Variants in GGA2 observed in about 807,000 individuals in gnomAD.
The protein encoded by GGA2 is ADP-ribosylation factor-binding protein GGA2.
In GGA2, 48 loss-of-function variants were observed where a neutral mutation model predicts 79.5. That is an observed-to-expected ratio of 0.60 (90% CI 0.48 to 0.77). The LOEUF (loss-of-function observed/expected upper bound fraction) is 0.77, where lower values mean the gene tolerates loss of function less well. Ranked by LOEUF, GGA2 falls within the 30% of genes least tolerant of loss-of-function variation. The pLI, the probability that GGA2 is intolerant of heterozygous loss-of-function variation, is 0.00. For synonymous variants in GGA2, 317 were observed against 302.0 expected (o/e 1.05, Z -0.51); for missense variants, 770 against 774.0 (o/e 0.99, Z 0.06).
intron 13 of GGA2, among the ~76,000 whole-genome samples, chr16:23,475,469 C>T (rs1259614875): frequency 1.3e-5 from 2 of 151,716 alleles, no homozygotes; most frequent in African/African-American, 2.4e-5. Flanking sequence ...GGATTACAGG[C>T]GTGAGCTAAT....
upstream of GGA2, chr16:23,522,081 G>C (rs1965149157): frequency 3.3e-6 from 1 of 307,588 alleles, no homozygotes; most frequent in African/African-American, 2.2e-5. Flanking sequence ...TCTGACACCT[G>C]GGAGAGGGTG....
intron 2 of GGA2, 53 bp downstream of exon 2, chr16:23,495,641 A>G: frequency 9.8e-7 from 1 of 1,020,492 alleles, no homozygotes; most frequent in Non-Finnish European, 1.5e-6. Flanking sequence ...AAAGGCCTAC[A>G]CTCAGTGTGG....
At chr16:23,523,971 T>C (rs78770424), upstream of GGA2, 2,430 of 107,378 alleles carry the variant, frequency 0.023, 24 homozygotes, top group South Asian at 0.029. Flanking sequence ...AGCCTCCAAA[T>C]GTGAGAAAAT....
chr16:23,470,635 C>G (rs1301578170), intron 14 of GGA2, among the ~76,000 whole-genome samples: 1 of 151,882 alleles, frequency 6.6e-6, no homozygotes, highest in Non-Finnish European at 1.5e-5. Context: ...TGGTGGTACA[C>G]ACCTGTAATC....
chr16:23,504,971 G>C (rs949815419), intron 1 of GGA2, among the ~76,000 whole-genome samples: 2 of 152,062 alleles, frequency 1.3e-5, no homozygotes. Context: ...ACCATCCCAC[G>C]TCAGCTGCCA....
At chr16:23,481,368 C>T (rs1467443944) in intron 9 of GGA2, among the ~76,000 whole-genome samples, 2 of 152,072 alleles carry the variant, frequency 1.3e-5, no homozygotes, top group African/African-American at 4.8e-5. Flanking sequence ...AGCGAAACTC[C>T]ATCTCAAGAA....
intron 6 of GGA2, among the ~76,000 whole-genome samples, chr16:23,487,294 A>T (rs1964727832): frequency 1.3e-5 from 2 of 152,172 alleles, no homozygotes; most frequent in South Asian, 4.2e-4. Context: ...ACTGGTTTTC[A>T]GTGGGGTAGG....
intron 9 of GGA2, among the ~76,000 whole-genome samples, chr16:23,482,150 G>C (rs1483854581): frequency 6.6e-6 from 1 of 152,206 alleles, no homozygotes; most frequent in Non-Finnish European, 1.5e-5. Context: ...TATAATCCCA[G>C]CTACTTGGGA....
At chr16:23,484,108 T>G (rs1486993053) in intron 8 of GGA2, among the ~76,000 whole-genome samples, 1 of 149,152 alleles carries the variant, frequency 6.7e-6, no homozygotes, top group African/African-American at 2.5e-5. Flanking sequence ...GCCAACATGG[T>G]GAAACCCTGT....
chr16:23,474,548 G>A (rs1596977187), intron 14 of GGA2, among the ~76,000 whole-genome samples: 1 of 152,020 alleles, frequency 6.6e-6, no homozygotes, highest in Non-Finnish European at 1.5e-5. Context: ...TGTAGAGAGA[G>A]GGCTTCGTTA....
At position 23,482,903 on chromosome 16, in the gene GGA2, C is replaced by G. The variant is rs1567362379; in HGVS notation, c.880+20G>C. 1 of 1,484,796 alleles carries G rather than the reference C, an allele frequency of 6.7e-7. No homozygotes were observed. The highest frequency in any genetic ancestry group is 9.4e-7 in the Non-Finnish European group (1 of 1,061,866). The allele number at this position is 1,484,796 out of a possible 1,614,324, so 92.0% of individuals were successfully genotyped here. On this transcript the variant is annotated intron_variant, in intron 9 of 16. Transcript: ENST00000309859. Reference sequence around the variant, plus strand: ...TCTTGCACCTGGGCTGCTAGCTACACCCAAGGAAAGAAAACTTACCGAGTG... The same window carrying G: ...TCTTGCACCTGGGCTGCTAGCTACAGCCAAGGAAAGAAAACTTACCGAGTG...
chr16:23,478,604 C>T, intron 12 of GGA2, 103 bp from the exon 13 acceptor site: 1 of 1,134,752 alleles, frequency 8.8e-7, no homozygotes. Flanking sequence ...GCTGCTGTGG[C>T]CCAGACTGGT....
At chr16:23,485,128 A>G (rs1964695814) in intron 8 of GGA2, among the ~76,000 whole-genome samples, 1 of 152,242 alleles carries the variant, frequency 6.6e-6, no homozygotes, top group African/African-American at 2.4e-5. Context: ...AGGAAGCCAG[A>G]CACGAAAGCC....
chr16:23,482,742 C>T (rs1005256731), intron 9 of GGA2, among the ~76,000 whole-genome samples, 181 bp downstream of exon 9: 7 of 152,172 alleles, frequency 4.6e-5, no homozygotes, highest in Non-Finnish European at 1.0e-4. Flanking sequence ...TGATTTCTTA[C>T]TGAAGCCTGG....
chr16:23,476,976 G>C (rs1964583160), intron 13 of GGA2, among the ~76,000 whole-genome samples: 1 of 152,090 alleles, frequency 6.6e-6, no homozygotes, highest in African/African-American at 2.4e-5. Flanking sequence ...TTTTGAGACA[G>C]GGTCTCACTC....
intron 16 of GGA2, among the ~76,000 whole-genome samples, chr16:23,468,388 G>A (rs1300186460): frequency 6.6e-6 from 1 of 152,106 alleles, no homozygotes; most frequent in African/African-American, 2.4e-5. Flanking sequence ...ATGTTGGCCA[G>A]GATGGTCTCG....
At chr16:23,483,332 C>T (rs1281629652) in intron 8 of GGA2, among the ~76,000 whole-genome samples, 3 of 152,136 alleles carry the variant, frequency 2.0e-5, no homozygotes, top group African/African-American at 7.2e-5. Context: ...CATGGTGAAA[C>T]CCTGTCTCTA....
upstream of GGA2, among the ~76,000 whole-genome samples, chr16:23,511,038 T>TGTGTGTGTGTGTGTGTGCGC: frequency 6.6e-6 from 1 of 150,954 alleles, no homozygotes; most frequent in African/African-American, 2.5e-5. Context: ...TGTGTGTGTG[T>TGTGTGTGTGTGTGTGTGCGC]GTGTGTGTGT....
chr16:23,469,058 C>T, intron 15 of GGA2, 62 bp from the exon 16 acceptor site: 1 of 1,055,550 alleles, frequency 9.5e-7, no homozygotes, highest in East Asian at 2.4e-5. Context: ...GGATGGAGAT[C>T]AGGTGAGGGG....
Sources: gnomAD v4.1 joint callset for allele counts (sites outside exome capture counted in the v4.1 genomes callset) on GRCh38, gnomAD v4.1.1 for gene constraint, MANE v1.5 for transcripts, NCBI Gene and HGNC (gene_info 2026-07-23, HGNC 2026-07-21) for gene names.